The following ATP2B2 variants were observed in gnomAD, a reference collection of about 807,000 sequenced individuals.
The protein encoded by ATP2B2 is ATPase plasma membrane Ca2+ transporting 2.
In ATP2B2, 15 loss-of-function variants were observed where a neutral mutation model predicts 120.0. That is an observed-to-expected ratio of 0.12 (90% CI 0.08 to 0.19). ATP2B2 has a LOEUF of 0.19. ATP2B2 is among the 10% of genes least tolerant of loss of function. The probability of loss-of-function intolerance (pLI) is 1.00; values close to 1 mark genes in which losing one functional copy is unlikely to be tolerated. For missense variants in ATP2B2, 1,045 were observed against 1,719.8 expected (o/e 0.61, Z 6.94); for synonymous variants, 694 against 700.3 (o/e 0.99, Z 0.14).
chr3:10,355,262 G>T (rs2060683058), intron 14 of ATP2B2, among the ~76,000 whole-genome samples: 1 of 152,134 alleles, frequency 6.6e-6, no homozygotes, highest in African/African-American at 2.4e-5. Context: ...GTTTTCAAGT[G>T]GGGAAACTGA....
intron 2 of ATP2B2, among the ~76,000 whole-genome samples, chr3:10,433,674 T>C (rs532837552): frequency 1.3e-5 from 2 of 152,104 alleles, no homozygotes; most frequent in Admixed American, 6.5e-5. Flanking sequence ...GGAATGGACA[T>C]AGGGGATTTG....
intron 1 of ATP2B2, 44 bp downstream of exon 1, chr3:10,505,421 T>C (rs1219652358): frequency 1.3e-5 from 2 of 150,054 alleles, no homozygotes; most frequent in Admixed American, 1.3e-4. Flanking sequence ...AGTGGGGCGC[T>C]TTTTATTTTT....
At chr3:10,618,309 T>C (rs1238795108) in intron 2 of ATP2B2, among the ~76,000 whole-genome samples, 1 of 152,096 alleles carries the variant, frequency 6.6e-6, no homozygotes, top group East Asian at 1.9e-4. Context: ...GATGAACCTA[T>C]GTAAGAGGTG....
chr3:10,665,895 C>T (rs930896226), intron 1 of ATP2B2, among the ~76,000 whole-genome samples: 3 of 152,308 alleles, frequency 2.0e-5, no homozygotes, highest in African/African-American at 7.2e-5. Flanking sequence ...AAGGGCTCTG[C>T]TTCTGTCCTC....
chr3:10,375,356 C>T lies in ATP2B2; in HGVS notation c.1416+74G>A. On this transcript the variant is annotated intron_variant, in intron 11 of 22. Coordinates refer to ENST00000360273, the MANE Select transcript of ATP2B2 (RefSeq NM_001001331.4). The surrounding 1 kb of genome is among the most constrained non-coding windows in gnomAD (Gnocchi z 4.2). The stretch of plus-strand genomic sequence containing the variant: ...TTCGTTCATCTCCCAACCCCAGCAC[C>T]AGCCCCAGTGATTCCCCCAGGCCCT... The T allele has an allele frequency of 3.0e-6, 4 of 1,349,250 alleles. No homozygotes were observed. The South Asian group carries it at 4.7e-5, about 16-fold the overall frequency. The allele number at this position is 1,349,250 out of a possible 1,614,324, so 83.6% of individuals were successfully genotyped here. A position where few individuals can be genotyped will look rare whatever the true frequency, so the allele number is the denominator to read the frequency against.
At chr3:10,658,919 A>C (rs1251967816) in intron 1 of ATP2B2, among the ~76,000 whole-genome samples, 4 of 152,126 alleles carry the variant, frequency 2.6e-5, no homozygotes, top group Admixed American at 2.6e-4. Context: ...TACAAGCCAG[A>C]AGAGAGTGGG....
At chr3:10,609,617 C>T (rs1315583502) in intron 2 of ATP2B2, among the ~76,000 whole-genome samples, 2 of 152,210 alleles carry the variant, frequency 1.3e-5, no homozygotes, top group African/African-American at 4.8e-5. Context: ...GGAGGCCTAC[C>T]TGGAGGTCCA....
Position 10,355,838 on chromosome 3 carries a change from C to T in ATP2B2, c.2136+2853G>A, listed in dbSNP as rs1338045650. ...CCTGTAATCCCAGCACTTTGGGAGGCCGAGGCGGGCGGATCACGAGGTCAG... is the reference window on the plus strand; with the variant it reads ...CCTGTAATCCCAGCACTTTGGGAGGTCGAGGCGGGCGGATCACGAGGTCAG... On this transcript the variant is annotated intron_variant, in intron 14 of 22. Transcript: ENST00000360273. 1.6e-4 allele frequency among the ~76,000 whole-genome samples: 6 copies of T among 38,074 alleles called. 3 individuals carry two copies. Among genetic ancestry groups the T allele is most frequent in the African/African-American group, 2.1e-4 (2 of 9,314 alleles). 25.0% of individuals were successfully genotyped at this position (38,074 alleles called of 152,430 possible). A position where few individuals can be genotyped will look rare whatever the true frequency, so the allele number is the denominator to read the frequency against.
At chr3:10,544,414 G>C (rs534595708) in intron 2 of ATP2B2, among the ~76,000 whole-genome samples, 1 of 152,198 alleles carries the variant, frequency 6.6e-6, no homozygotes, top group African/African-American at 2.4e-5. Flanking sequence ...ACAAATATTT[G>C]TGGGGAAGGT....
At chr3:10,462,065 T>G (rs1199444689) in intron 1 of ATP2B2, among the ~76,000 whole-genome samples, 1 of 152,152 alleles carries the variant, frequency 6.6e-6, no homozygotes, top group East Asian at 1.9e-4. Flanking sequence ...GCCCTCTTAA[T>G]GCCTTGCCTC....
At position 10,625,139 on chromosome 3, in the gene ATP2B2, G is replaced by C. The variant is rs76227269; in HGVS notation, c.-459-5178C>G. ...CCAGAAACTCAGAGGTGAGGACGTG[G>C]TATTCTGGCTACACAAGGTCTCTGG... On this transcript the variant is annotated intron_variant, in intron 1 of 21. Transcript: ENST00000646379. Among the ~76,000 whole-genome samples the C allele has an allele frequency of 6.1e-3, 933 of 152,342 alleles. 7 individuals carry two copies. Among genetic ancestry groups the C allele is most frequent in the African/African-American group, 0.02 (843 of 41,584 alleles).
chr3:10,606,133 A>G (rs1036889335), intron 2 of ATP2B2, among the ~76,000 whole-genome samples: 1 of 152,030 alleles, frequency 6.6e-6, no homozygotes, highest in African/African-American at 2.4e-5. Flanking sequence ...ACAAAAACAA[A>G]AACAAAAAAA....
chr3:10,385,252 G>T lies in ATP2B2; in HGVS notation c.1000+16C>A, dbSNP rs377268658. ...CCCATCCAACCATGACCAGGAGCTCGCCGTGGGAGACATACCATTGACTAG... is the reference window on the plus strand; with the variant it reads ...CCCATCCAACCATGACCAGGAGCTCTCCGTGGGAGACATACCATTGACTAG... On this transcript the variant is annotated intron_variant, in intron 8 of 22. Transcript: ENST00000360273. 38 of 1,613,802 alleles carry T rather than the reference G, an allele frequency of 2.4e-5. No homozygotes were observed. The highest frequency in any genetic ancestry group is 3.2e-5 in the Non-Finnish European group (38 of 1,179,778).
At chr3:10,585,493 GAAAAAAAAAAAA>G (rs60670471) in intron 2 of ATP2B2, among the ~76,000 whole-genome samples, 4 of 28,506 alleles carry the variant, frequency 1.4e-4, no homozygotes, top group East Asian at 2.6e-3. Context: ...GACTCCGTCT[GAAAAAAAAAAAA>G]AAAAAAAAAA....
rs555417180 is a variant in ATP2B2 at position 10,346,722 on chromosome 3, G to C, written c.2405-585C>G. On this transcript the variant is annotated intron_variant, in intron 16 of 22. Transcript: ENST00000360273. The surrounding 1 kb of genome is among the most constrained non-coding windows in gnomAD (Gnocchi z 4.1). ...GGCCCCAGTCACTGAGCTGGGGCCA[G>C]TGGAAAAGGGTGGGTGAAGGATGTC... Among the ~76,000 whole-genome samples, 1 of 152,214 alleles carries C rather than the reference G, an allele frequency of 6.6e-6. No individual in the cohort carries two copies. Among genetic ancestry groups the C allele is most frequent in the Non-Finnish European group, 1.5e-5 (1 of 68,042 alleles).
chr3:10,455,944 C>T (rs1352661080), intron 1 of ATP2B2, among the ~76,000 whole-genome samples: 2 of 152,232 alleles, frequency 1.3e-5, no homozygotes, highest in Non-Finnish European at 2.9e-5. Context: ...TCCAGGAGAA[C>T]ATTCTGACAA....
At chr3:10,652,315 C>T (rs2070488611) in intron 1 of ATP2B2, among the ~76,000 whole-genome samples, 1 of 152,188 alleles carries the variant, frequency 6.6e-6, no homozygotes, top group Admixed American at 6.5e-5. Context: ...GTCCACCACC[C>T]TTCCCTAGCT....
Position 10,689,817 on chromosome 3 carries a change from G to A in ATP2B2, c.-460+18098C>T, listed in dbSNP as rs148855607. ...CCGACCTGGTTTATCACACTCTGAC[G>A]TGCAATCCAAGCATTGCTGCGCACC... is the stretch of plus-strand genomic sequence containing the variant. On this transcript the variant is annotated intron_variant, in intron 1 of 21. Coordinates refer to the ATP2B2 transcript ENST00000646379. Among the ~76,000 whole-genome samples the A allele has an allele frequency of 1.2e-3, 185 of 152,336 alleles. 1 individual carries two copies. The highest frequency in any genetic ancestry group is 4.2e-3 in the African/African-American group (174 of 41,566).
intron 12 of ATP2B2, among the ~76,000 whole-genome samples, chr3:10,369,299 G>A (rs2061158765): frequency 6.6e-6 from 1 of 152,172 alleles, no homozygotes; most frequent in Non-Finnish European, 1.5e-5. Flanking sequence ...ACCTAGAAAG[G>A]GGAGCCCCTG....
Sources: gnomAD v4.1 joint callset for allele counts (sites outside exome capture counted in the v4.1 genomes callset) on GRCh38, gnomAD v4.1.1 for gene constraint, Gnocchi (gnomAD v3.1) non-coding constraint, MANE v1.5 for transcripts, NCBI Gene and HGNC (gene_info 2026-07-23, HGNC 2026-07-21) for gene names.